The following BNC2 variants were observed in gnomAD, a reference collection of about 807,000 sequenced individuals.
BNC2 encodes the protein basonuclin zinc finger protein 2.
BNC2 carries 20 observed loss-of-function variants against 76.3 expected under a neutral mutation model. The ratio of observed to expected loss-of-function variants is 0.26; its 90% CI spans 0.18 to 0.38. BNC2 has a LOEUF of 0.38. Ranked by LOEUF, BNC2 falls within the 10% of genes least tolerant of loss-of-function variation. The pLI is 1.00. For missense variants in BNC2, 1,382 were observed against 1,399.8 expected (o/e 0.99, Z 0.20); for synonymous variants, 582 against 514.8 (o/e 1.13, Z -1.77).
intron 3 of BNC2, among the ~76,000 whole-genome samples, chr9:16,612,798 G>A (rs1663488920): frequency 6.6e-6 from 1 of 152,186 alleles, no homozygotes; most frequent in South Asian, 2.1e-4. Flanking sequence ...AAAGCTTAGT[G>A]AAGGAAGTGG....
chr9:16,531,233 T>C (rs1423011920), intron 5 of BNC2, among the ~76,000 whole-genome samples: 1 of 152,148 alleles, frequency 6.6e-6, no homozygotes, highest in Non-Finnish European at 1.5e-5. Context: ...GAAAGGCCAC[T>C]CCAGGGCTAC....
chr9:16,717,393 A>C (rs1009903041), intron 3 of BNC2, among the ~76,000 whole-genome samples: 2 of 152,202 alleles, frequency 1.3e-5, no homozygotes, highest in Non-Finnish European at 2.9e-5. Flanking sequence ...AAATCATTTA[A>C]AAAACAAAAA....
chr9:16,700,352 C>G (rs1212314827), intron 3 of BNC2, among the ~76,000 whole-genome samples: 2 of 151,874 alleles, frequency 1.3e-5, no homozygotes, highest in Non-Finnish European at 2.9e-5. Flanking sequence ...ATAGCAAGAC[C>G]CCATATCTAC....
At chr9:16,426,571 A>G (rs183000502) in intron 6 of BNC2, among the ~76,000 whole-genome samples, 1 of 152,330 alleles carries the variant, frequency 6.6e-6, no homozygotes, top group Non-Finnish European at 1.5e-5. Context: ...GTATTTAGCT[A>G]TGGCTTTATC....
Position 16,419,044 on chromosome 9 carries a change from C to T in BNC2, c.3245G>A (p.Arg1082Gln), listed in dbSNP as rs748318764. ...GTGGAGATTAGGGTTCTGACTGTGC[C>T]GATTTCGGCTTCGTACAGAGGAAAA... ...MMFSSVRSRN[R>Q]HSQNPNLHKN... Residue 1082 changes from arginine (R) to glutamine (Q), a missense_variant, in exon 7 of 7, where the codon CGG becomes CAG. Physicochemically the swap from Arg to Gln is conservative, Grantham distance 43. Around this residue, in one of 3 missense-constraint regions of BNC2, gnomAD observed 798 missense variants for 775.5 expected, o/e 1.03. Coordinates refer to ENST00000380672, the MANE Select transcript of BNC2 (RefSeq NM_017637.6). 3.7e-6 allele frequency: 6 copies of T among 1,614,006 alleles called. No homozygotes were observed. In the African/African-American group the frequency reaches 4.0e-5, roughly 11 times the overall value.
chr9:16,832,038 A>C (rs914016759), intron 1 of BNC2, among the ~76,000 whole-genome samples: 10 of 152,208 alleles, frequency 6.6e-5, no homozygotes, highest in Non-Finnish European at 1.0e-4. Context: ...TGAATCCTCA[A>C]GCAAAACAAA....
intron 1 of BNC2, among the ~76,000 whole-genome samples, chr9:16,746,471 C>G (rs1825008068): frequency 6.6e-6 from 1 of 151,980 alleles, no homozygotes; most frequent in African/African-American, 2.4e-5. Flanking sequence ...TCAAGGGATT[C>G]TCGAGCCTCA....
chr9:16,763,127 G>A (rs1825599629), intron 1 of BNC2, among the ~76,000 whole-genome samples: 1 of 152,156 alleles, frequency 6.6e-6, no homozygotes, highest in African/African-American at 2.4e-5. Flanking sequence ...GAGAGGTTAT[G>A]GTGATAAGGG....
At chr9:16,706,922 G>T (rs1823690887) in intron 3 of BNC2, among the ~76,000 whole-genome samples, 1 of 152,190 alleles carries the variant, frequency 6.6e-6, no homozygotes, top group South Asian at 2.1e-4. Context: ...CAGCAAGAAG[G>T]CTGGGCGCGG....
chr9:16,600,483 T>C (rs1311244202), intron 3 of BNC2, among the ~76,000 whole-genome samples: 3 of 152,218 alleles, frequency 2.0e-5, no homozygotes, highest in African/African-American at 7.2e-5. Context: ...TTGTACAGTA[T>C]TATTTTCTTT....
intron 3 of BNC2, among the ~76,000 whole-genome samples, chr9:16,622,365 T>C (rs1820888103): frequency 1.3e-5 from 2 of 152,194 alleles, no homozygotes; most frequent in South Asian, 4.1e-4. Flanking sequence ...GTAATATTTT[T>C]AATGTAGACA....
intron 5 of BNC2, 66 bp downstream of exon 5, chr9:16,552,464 G>C: frequency 7.2e-7 from 1 of 1,395,850 alleles, no homozygotes; most frequent in Non-Finnish European, 1.0e-6. Context: ...GGTTTGTCAA[G>C]GACTCTCACC....
chr9:16,821,220 C>T (rs1391434833), intron 1 of BNC2, among the ~76,000 whole-genome samples: 3 of 124,956 alleles, frequency 2.4e-5, no homozygotes, highest in Non-Finnish European at 3.4e-5. Flanking sequence ...GCAACAAGAA[C>T]AAAACTCCGT....
rs1587058221 is a variant in BNC2 at position 16,463,576 on chromosome 9, G to A, written c.670-26052C>T. On this transcript the variant is annotated intron_variant, in intron 5 of 6. Transcript: ENST00000380672. ...CTCCCAAAGTGCTGGGACTACAGGC[G>A]TGAGCCACCGCGCCCGGCCAAATTC... 2.1e-5 allele frequency among the ~76,000 whole-genome samples: 3 copies of A among 143,904 alleles called. 1 individual carries two copies. In the South Asian group the frequency reaches 6.2e-4, roughly 30 times the overall value. 94.4% of individuals were successfully genotyped at this position (143,904 alleles called of 152,430 possible). A position where few individuals can be genotyped will look rare whatever the true frequency, so the allele number is the denominator to read the frequency against.
intron 5 of BNC2, among the ~76,000 whole-genome samples, chr9:16,485,897 T>A (rs775662555): frequency 6.6e-6 from 1 of 152,210 alleles, no homozygotes; most frequent in African/African-American, 2.4e-5. Flanking sequence ...GGTACAAATT[T>A]ATGTGGAATA....
chr9:16,419,480 A>G lies in BNC2; in HGVS notation c.2809T>C (p.Ser937Pro). 1 of 1,613,876 alleles carries G rather than the reference A, an allele frequency of 6.2e-7. No homozygotes were observed. Among genetic ancestry groups the G allele is most frequent in the Non-Finnish European group, 8.5e-7 (1 of 1,179,946 alleles). ...TGGGAGTCTTCAGTCCCTGCGGGAG[A>G]GGAGGCGTCTTCCCTGACATCGAGC... ...MGLDVREDAS[S>P]PAGTEDSHLN... Residue 937 changes from serine (S) to proline (P), a missense_variant, in exon 7 of 7, where the codon TCT (serine) becomes CCT (proline). Ser to Pro is a moderately conservative substitution (Grantham distance 74). Transcript: ENST00000380672.
intron 6 of BNC2, among the ~76,000 whole-genome samples, chr9:16,421,032 C>G (rs1012723275): frequency 1.3e-5 from 2 of 152,178 alleles, no homozygotes; most frequent in African/African-American, 4.8e-5. Context: ...TAAAGTTCAA[C>G]AGACCTCCCG....
intron 5 of BNC2, among the ~76,000 whole-genome samples, chr9:16,543,029 T>C (rs1463698114): frequency 1.3e-5 from 2 of 152,226 alleles, no homozygotes; most frequent in South Asian, 2.1e-4. Context: ...CATCTTCCAC[T>C]GGGCTATTCT....
rs1405762113 is a variant in BNC2 at position 16,589,359 on chromosome 9, T to C, written c.331-6274A>G. Among the ~76,000 whole-genome samples the C allele has an allele frequency of 1.3e-4, 19 of 151,400 alleles. 1 individual carries two copies. Among genetic ancestry groups the C allele is most frequent in the Admixed American group, 1.3e-3 (19 of 15,186 alleles). On this transcript the variant is annotated intron_variant, in intron 3 of 6. Coordinates refer to ENST00000380672, the MANE Select transcript of BNC2 (RefSeq NM_017637.6). ...CACCACCACTTCTGGCTAATTTTTG[T>C]ATTTTCAGTAGAGACAGGGTCTCAC...
Sources: gnomAD v4.1 joint callset for allele counts (sites outside exome capture counted in the v4.1 genomes callset) on GRCh38, gnomAD v4.1.1 for gene constraint, gnomAD v4.1.1 regional missense constraint, MANE v1.5 for transcripts, NCBI Gene and HGNC (gene_info 2026-07-23, HGNC 2026-07-21) for gene names.